The following SPRY1 variants were observed in gnomAD, a reference collection of about 807,000 sequenced individuals.
SPRY1 encodes the protein sprouty RTK signaling antagonist 1.
SPRY1 carries 20 observed loss-of-function variants against 22.6 expected under a neutral mutation model. That is an observed-to-expected ratio of 0.89 (90% CI 0.62 to 1.29). The LOEUF is 1.29. Ranked by LOEUF, SPRY1 falls within the 50% of genes most tolerant of loss-of-function variation. SPRY1 has a pLI of 0.00. For missense variants in SPRY1, 446 were observed against 387.7 expected (o/e 1.15, Z -1.26); for synonymous variants, 155 against 144.7 (o/e 1.07, Z -0.51).
chr4:123,399,984 C>G (rs1725083996), intron 2 of SPRY1: 1 of 152,170 alleles, frequency 6.6e-6, no homozygotes, highest in African/African-American at 2.4e-5. Flanking sequence ...AAGTTTGTTA[C>G]AACTATCATT....
intron 2 of SPRY1, among the ~76,000 whole-genome samples, chr4:123,400,968 C>A (rs1393781836): frequency 6.6e-6 from 1 of 152,050 alleles, no homozygotes; most frequent in African/African-American, 2.4e-5. Context: ...TTTTAAAATT[C>A]TGATTTATAT....
intron 2 of SPRY1, chr4:123,398,209 G>C (rs149002720): frequency 0.015 from 2,279 of 152,338 alleles, 20 homozygotes; most frequent in Middle Eastern, 0.051. Flanking sequence ...TCTTGGAAAG[G>C]GGCTGCAGAA....
In SPRY1 at chr4:123,402,802, CCAGTGGGCTTTTGTG is replaced by C; in HGVS notation, c.*252_*266del. The C allele has an allele frequency of 1.8e-6, 1 of 551,200 alleles. No homozygotes were observed. Among genetic ancestry groups the C allele is most frequent in the Non-Finnish European group, 3.2e-6 (1 of 309,452 alleles). The allele number at this position is 551,200 out of a possible 1,614,324, so 34.1% of individuals were successfully genotyped here. ...GCCATCCACTTGAGGGTATTGAGAGCCAGTGGGCTTTTGTGTAGCCTTTTTGTTCTGCAAGCAACT... is the reference window on the plus strand; with the variant it reads ...GCCATCCACTTGAGGGTATTGAGAGCTAGCCTTTTTGTTCTGCAAGCAACT... On this transcript the variant is annotated 3_prime_UTR_variant, in exon 3 of 3. Coordinates refer to ENST00000651917, the MANE Select transcript of SPRY1 (RefSeq NM_001258038.2).
In SPRY1 at chr4:123,402,890, A is replaced by T. The variant is rs1481387229; in HGVS notation, c.*339A>T. 1.1e-5 allele frequency: 5 copies of T among 449,708 alleles called. No homozygotes were observed. Among genetic ancestry groups the T allele is most frequent in the Non-Finnish European group, 2.0e-5 (5 of 247,174 alleles). 27.9% of individuals were successfully genotyped at this position (449,708 alleles called of 1,614,324 possible). ...ATACACCCACATCCAGACTACAGTG[A>T]TTTAGAGTTGTTTTGATTGGGTACC... On this transcript the variant is annotated 3_prime_UTR_variant, in exon 3 of 3. Transcript: ENST00000651917.
rs546122038 is a variant in SPRY1 at position 123,401,753 on chromosome 4, A to G, written c.162A>G (p.Thr54=). The change falls in exon 3 of 3, where the codon ACA becomes ACG. Residue 54 remains threonine (T), a synonymous_variant. Transcript: ENST00000651917. The stretch of plus-strand genomic sequence containing the variant: ...CCATAAGAGGCAGCAATGAATACAC[A>G]GAAGGGCCTTCGGTGGTGAAAAGAC... ...IKAIRGSNEY[T]EGPSVVKRPA... 2.5e-6 allele frequency: 4 copies of G among 1,614,228 alleles called. No individual in the cohort carries two copies. The highest frequency in any genetic ancestry group is 1.6e-4 in the Middle Eastern group (1 of 6,062).
At position 123,401,623 on chromosome 4, in the gene SPRY1, G is replaced by C. The variant is rs1725157011; in HGVS notation, c.32G>C (p.Ser11Thr). MDPQNQHGSG[S>T]SLVVIQQPSL... ...CCCCAAAATCAACATGGCAGTGGCA[G>C]TTCGTTAGTTGTGATCCAGCAGCCT... Residue 11 changes from serine to threonine, a missense_variant, in exon 3 of 3, where the codon AGT becomes ACT. Coordinates refer to ENST00000651917, the MANE Select transcript of SPRY1 (RefSeq NM_001258038.2). The C allele has an allele frequency of 6.2e-7, 1 of 1,614,066 alleles. No individual in the cohort carries two copies. The highest frequency in any genetic ancestry group is 1.1e-5 in the South Asian group (1 of 91,086).
In SPRY1 at chr4:123,402,527, C is replaced by CCGGG. The variant is rs1725216946; in HGVS notation, c.937_940dup (p.Gly314AlafsTer5). 6.2e-7 allele frequency: 1 copy of CCGGG among 1,613,420 alleles called. No individual in the cohort carries two copies. Among genetic ancestry groups the CCGGG allele is most frequent in the African/African-American group, 1.3e-5 (1 of 74,926 alleles). On this transcript the variant is annotated frameshift_variant, in exon 3 of 3. Transcript: ENST00000651917. LOFTEE classifies it high-confidence loss of function. ...ATTGTAAGCTGGAGAGCTGCCCCTC[C>CCGGG]CGGGGTCAGGGTAAACCATCATGAT...
chr4:123,397,148 T>G (rs748396681), intron 1 of SPRY1, among the ~76,000 whole-genome samples: 14 of 152,228 alleles, frequency 9.2e-5, no homozygotes, highest in Non-Finnish European at 2.1e-4. Flanking sequence ...TCACCTTTCC[T>G]TAACCGAACA....
chr4:123,397,877 C>G (rs536162154), intron 2 of SPRY1, 21 bp downstream of exon 2: 1 of 152,164 alleles, frequency 6.6e-6, no homozygotes, highest in South Asian at 2.1e-4. Flanking sequence ...CCCCCTCCCC[C>G]TCCCGGCCGC....
In SPRY1 at chr4:123,402,585, A is replaced by G; in HGVS notation, c.*34A>G. ...GGTGGGTTGTACCTCCTGAACTTTT[A>G]GCTTTCAAGTTGTGGCTGTTTTTTG... On this transcript the variant is annotated 3_prime_UTR_variant, in exon 3 of 3. Transcript: ENST00000651917. The G allele has an allele frequency of 6.5e-7, 1 of 1,544,698 alleles. No homozygotes were observed. Among genetic ancestry groups the G allele is most frequent in the Non-Finnish European group, 8.7e-7 (1 of 1,146,994 alleles).
At position 123,401,614 on chromosome 4, in the gene SPRY1, G is replaced by A. The variant is rs1725156325; in HGVS notation, c.23G>A (p.Gly8Asp). 1 of 1,613,970 alleles carries A rather than the reference G, an allele frequency of 6.2e-7. No homozygotes were observed. Among genetic ancestry groups the A allele is most frequent in the Non-Finnish European group, 8.5e-7 (1 of 1,180,036 alleles). The part of the protein sequence containing the change: MDPQNQH[G>D]SGSSLVVIQQ... ...CACATGGATCCCCAAAATCAACATG[G>A]CAGTGGCAGTTCGTTAGTTGTGATC... The change falls in exon 3 of 3, where the codon GGC (glycine) becomes GAC (aspartate). Residue 8 changes from glycine (G) to aspartate (D), a missense_variant. Physicochemically the swap from Gly to Asp is moderately conservative, Grantham distance 94. Coordinates refer to ENST00000651917, the MANE Select transcript of SPRY1 (RefSeq NM_001258038.2).
chr4:123,399,196 T>TG (rs1725046845), intron 2 of SPRY1, among the ~76,000 whole-genome samples: 3 of 152,052 alleles, frequency 2.0e-5, no homozygotes, highest in Admixed American at 2.0e-4. Flanking sequence ...GACCAACTGA[T>TG]GAAACCCCGT....
In SPRY1 at chr4:123,401,542, C is replaced by T; in HGVS notation, c.-50C>T. 3 of 1,549,442 alleles carry T rather than the reference C, an allele frequency of 1.9e-6. No homozygotes were observed. The highest frequency in any genetic ancestry group is 2.5e-5 in the South Asian group (2 of 80,270). ...CATCTTTGATTTCGTTTTAGGATTT[C>T]AGATGCATGCCAGGTTTCCACTGAT... On this transcript the variant is annotated 5_prime_UTR_variant, in exon 3 of 3. Transcript: ENST00000651917.
chr4:123,401,713 T>G lies in SPRY1; in HGVS notation c.122T>G (p.Leu41Ter). Residue 41 changes from leucine (L) to a stop codon, truncating the protein, a stop_gained, in exon 3 of 3, where the codon TTA becomes TGA. Coordinates refer to ENST00000651917, the MANE Select transcript of SPRY1 (RefSeq NM_001258038.2). LOFTEE classifies it high-confidence loss of function. ...REIQPTAILSLDQIKAIRGSN... is the reference protein window; with the variant it reads ...REIQPTAILS ...ATTCAGCCTACTGCTATTTTGTCCTTAGACCAGATCAAGGCCATAAGAGGC... is the reference window on the plus strand; with the variant it reads ...ATTCAGCCTACTGCTATTTTGTCCTGAGACCAGATCAAGGCCATAAGAGGC... 2 of 1,614,132 alleles carry G rather than the reference T, an allele frequency of 1.2e-6. No individual in the cohort carries two copies. The highest frequency in any genetic ancestry group is 1.7e-6 in the Non-Finnish European group (2 of 1,180,022).
At chr4:123,398,516 G>A (rs1023447921) in intron 2 of SPRY1, 1 of 151,776 alleles carries the variant, frequency 6.6e-6, no homozygotes, top group Non-Finnish European at 1.5e-5. Context: ...CGGCCTAGGT[G>A]AGTGTGTGCG....
chr4:123,401,524 G>C lies in SPRY1; in HGVS notation c.-55-13G>C. ...TTTATTTTCTGTTTTTTTCATCTTT[G>C]ATTTCGTTTTAGGATTTCAGATGCA... On this transcript the variant is annotated splice_polypyrimidine_tract_variant and intron_variant, in intron 2 of 2. Coordinates refer to ENST00000651917, the MANE Select transcript of SPRY1 (RefSeq NM_001258038.2). The C allele has an allele frequency of 1.4e-6, 2 of 1,480,038 alleles. No homozygotes were observed. Among genetic ancestry groups the C allele is most frequent in the South Asian group, 1.5e-5 (1 of 64,860 alleles). 91.7% of individuals were successfully genotyped at this position (1,480,038 alleles called of 1,614,324 possible).
intron 2 of SPRY1, among the ~76,000 whole-genome samples, chr4:123,398,919 A>G (rs938101880): frequency 6.6e-6 from 1 of 151,628 alleles, no homozygotes; most frequent in Non-Finnish European, 1.5e-5. Flanking sequence ...AAGCAGGGGG[A>G]CGACAAAGGC....
chr4:123,401,817 A>G lies in SPRY1; in HGVS notation c.226A>G (p.Arg76Gly). The change falls in exon 3 of 3, where the codon AGG becomes GGG. Residue 76 changes from arginine (R) to glycine (G), a missense_variant. By Grantham distance (125) the Arg-to-Gly change is moderately radical (BLOSUM62 -2). Coordinates refer to ENST00000651917, the MANE Select transcript of SPRY1 (RefSeq NM_001258038.2). ...AGCACCAAGACAAGAAAAGCATGAA[A>G]GGACTCATGAAATCATACCAATTAA... is the stretch of plus-strand genomic sequence containing the variant. Reference protein sequence around the residue: ...RTAPRQEKHERTHEIIPINVN... With the variant: ...RTAPRQEKHEGTHEIIPINVN... 7 of 1,614,248 alleles carry G rather than the reference A, an allele frequency of 4.3e-6. No homozygotes were observed. Among genetic ancestry groups the G allele is most frequent in the Non-Finnish European group, 5.1e-6 (6 of 1,180,054 alleles).
In SPRY1 at chr4:123,402,308, T is replaced by G; in HGVS notation, c.717T>G (p.Asp239Glu). ...ACTGCTCCAATGACGACGAAGGGGATTCCTATTCAGATAATCCTTGCTCCT... is the reference window on the plus strand; with the variant it reads ...ACTGCTCCAATGACGACGAAGGGGAGTCCTATTCAGATAATCCTTGCTCCT... ...FYHCSNDDEG[D>E]SYSDNPCSCS... The change falls in exon 3 of 3, where the codon GAT becomes GAG. Residue 239 changes from aspartate (D) to glutamate (E), a missense_variant. Coordinates refer to ENST00000651917, the MANE Select transcript of SPRY1 (RefSeq NM_001258038.2). 1 of 1,614,228 alleles carries G rather than the reference T, an allele frequency of 6.2e-7. No homozygotes were observed. Among genetic ancestry groups the G allele is most frequent in the South Asian group, 1.1e-5 (1 of 91,084 alleles).
Sources: allele counts gnomAD v4.1 joint callset (sites outside exome capture counted in the v4.1 genomes callset), GRCh38; gene constraint gnomAD v4.1.1; transcripts MANE v1.5; gene names NCBI Gene and HGNC (gene_info 2026-07-23, HGNC 2026-07-21).